Variants in DST observed in about 807,000 individuals in gnomAD.
DST encodes dystonin.
Under a neutral mutation model 875.2 loss-of-function variants are expected in DST, and 253 were observed. The observed-to-expected ratio is 0.29, with a 90% CI of 0.26 to 0.32. The LOEUF is 0.32. DST is among the 10% of genes least tolerant of loss of function. DST has a pLI of 1.00. For missense variants in DST, 8,287 were observed against 9,111.6 expected (o/e 0.91, Z 3.68); for synonymous variants, 3,124 against 3,197.1 (o/e 0.98, Z 0.77).
chr6:56,754,754 C>T (rs1040570177), intron 4 of DST, among the ~76,000 whole-genome samples: 3 of 152,118 alleles, frequency 2.0e-5, no homozygotes, highest in South Asian at 2.1e-4. Context: ...TAAATGACTT[C>T]ATGGTTCCAA....
At chr6:56,625,349 AAC>A (rs1279712222) in intron 34 of DST, 85 bp from the exon 35 acceptor site, 89 of 861,932 alleles carry the variant, frequency 1.0e-4, no homozygotes, top group Non-Finnish European at 8.3e-5. Context: ...AGATAATTAG[AAC>A]CTAGATTCAC....
rs115890942 is a variant in DST at position 56,624,631 on chromosome 6, G to T, written c.4831-3C>A. The stretch of plus-strand genomic sequence containing the variant: ...TATCGAGTCCTTAGGTCCATGAACT[G>T]CAAGTAAGGAAAAAAATAATAAAAG... On this transcript the variant is annotated splice_polypyrimidine_tract_variant and splice_region_variant and intron_variant, in intron 35 of 103. Coordinates refer to ENST00000680361, the MANE Select transcript of DST (RefSeq NM_001374736.1). 2,749 of 1,585,620 alleles carry T rather than the reference G, an allele frequency of 1.7e-3. 40 individuals carry two copies. The African/African-American group carries it at 0.033, about 19-fold the overall frequency.
chr6:56,513,888 G>A (rs2096535873), intron 72 of DST, among the ~76,000 whole-genome samples: 1 of 152,214 alleles, frequency 6.6e-6, no homozygotes, highest in African/African-American at 2.4e-5. Context: ...CATGGCCCTT[G>A]GAGCCATTTT....
Position 56,636,585 on chromosome 6 carries a change from T to C in DST, c.3032A>G (p.His1011Arg). The C allele has an allele frequency of 6.2e-7, 1 of 1,613,510 alleles. No homozygotes were observed. Among genetic ancestry groups the C allele is most frequent in the Non-Finnish European group, 8.5e-7 (1 of 1,179,922 alleles). Reference protein sequence around the residue: ...ILQLCQCVEQHIKENTAYFEF... With the variant: ...ILQLCQCVEQRIKENTAYFEF... ...GAAATACGCTGTGTTCTCCTTTATGTGCTGCTCCACACACTGGCAGAGCTG... is the reference window on the plus strand; with the variant it reads ...GAAATACGCTGTGTTCTCCTTTATGCGCTGCTCCACACACTGGCAGAGCTG... The change falls in exon 23 of 104, where the codon CAC becomes CGC. Residue 1011 changes from histidine to arginine, a missense_variant. Physicochemically the swap from His to Arg is conservative, Grantham distance 29. Transcript: ENST00000680361.
chr6:56,716,777 A>C (rs2099396047), intron 5 of DST, among the ~76,000 whole-genome samples: 1 of 152,206 alleles, frequency 6.6e-6, no homozygotes, highest in South Asian at 2.1e-4. Flanking sequence ...TTTTGGCACC[A>C]GGGACTGGTT....
At chr6:56,914,634 T>G (rs535670088) in intron 2 of DST, among the ~76,000 whole-genome samples, 133 of 152,296 alleles carry the variant, frequency 8.7e-4, no homozygotes, top group African/African-American at 3.2e-3. Flanking sequence ...AGAGTCTCCA[T>G]CTCAAAGTCT....
At chr6:56,863,656 G>A (rs1003152970) in intron 3 of DST, among the ~76,000 whole-genome samples, 5 of 151,966 alleles carry the variant, frequency 3.3e-5, no homozygotes, top group African/African-American at 9.7e-5. Flanking sequence ...TCTCAACCGG[G>A]GATTTCCAAG....
chr6:56,470,392 T>C lies in DST; in HGVS notation c.22322-110A>G, dbSNP rs1582260884. 3 of 816,344 alleles carry C rather than the reference T, an allele frequency of 3.7e-6. No homozygotes were observed. The African/African-American group carries it at 5.2e-5, about 14-fold the overall frequency. The allele number at this position is 816,344 out of a possible 1,614,324, so 50.6% of individuals were successfully genotyped here. ...GCTGGTTAAATCATCAGTGATCAAA[T>C]ATATTAAAATCCTTTTTTAAAAAAC... On this transcript the variant is annotated intron_variant, in intron 95 of 103. Transcript: ENST00000680361.
chr6:56,770,490 CAG>C lies in DST; in HGVS notation c.626-35203_626-35202del, dbSNP rs1384574232. Reference sequence around the variant, plus strand: ...CAAACCCTGCTAATACAATAAAACGCAGAGTGTGGGATGCCCTATTTCATTCC... The same window carrying C: ...CAAACCCTGCTAATACAATAAAACGCAGTGTGGGATGCCCTATTTCATTCC... On this transcript the variant is annotated intron_variant, in intron 4 of 103. Coordinates refer to ENST00000680361, the MANE Select transcript of DST (RefSeq NM_001374736.1). 2.0e-5 allele frequency among the ~76,000 whole-genome samples: 3 copies of C among 152,140 alleles called. No individual in the cohort carries two copies. The East Asian group carries it at 5.8e-4, about 29-fold the overall frequency.
intron 4 of DST, among the ~76,000 whole-genome samples, chr6:56,836,588 C>A (rs2099793769): frequency 6.6e-6 from 1 of 152,044 alleles, no homozygotes; most frequent in South Asian, 2.1e-4. Flanking sequence ...CGGTGGCTCA[C>A]GCTTGTAATC....
intron 4 of DST, among the ~76,000 whole-genome samples, chr6:56,766,504 T>C (rs2099633669): frequency 6.6e-6 from 1 of 152,040 alleles, no homozygotes; most frequent in South Asian, 2.1e-4. Context: ...ATAAGGCCTT[T>C]CTCTGCAATT....
intron 4 of DST, among the ~76,000 whole-genome samples, chr6:56,790,451 A>G (rs2099718079): frequency 1.3e-5 from 2 of 152,216 alleles, no homozygotes; most frequent in South Asian, 4.1e-4. Context: ...ATTAATTCTC[A>G]GTCACTAACA....
intron 36 of DST, 86 bp from the exon 37 acceptor site, chr6:56,614,570 T>C (rs2152726088): frequency 1.3e-5 from 17 of 1,355,584 alleles, no homozygotes; most frequent in Non-Finnish European, 1.6e-5. Context: ...AACAAGAATG[T>C]AAAAATTTTT....
intron 4 of DST, among the ~76,000 whole-genome samples, chr6:56,850,409 CAAA>C (rs70989736): frequency 4.4e-4 from 34 of 77,284 alleles, no homozygotes; most frequent in Admixed American, 2.3e-3. Flanking sequence ...GTATAGGAGG[CAAA>C]AAAAAAAAAA....
rs935543053 is a variant in DST at position 56,821,303 on chromosome 6, G to A, written c.625+30094C>T. Among the ~76,000 whole-genome samples, 5 of 152,192 alleles carry A rather than the reference G, an allele frequency of 3.3e-5. No individual in the cohort carries two copies. The South Asian group carries it at 1.0e-3, about 31-fold the overall frequency. On this transcript the variant is annotated intron_variant, in intron 4 of 103. Coordinates refer to ENST00000680361, the MANE Select transcript of DST (RefSeq NM_001374736.1). ...TAATGTGTTCAAAGGGATCAGCTAA[G>A]TACTTCGATTCATGTCAAATTCGTG... is the stretch of plus-strand genomic sequence containing the variant.
intron 3 of DST, among the ~76,000 whole-genome samples, chr6:56,856,967 A>G (rs1445391827): frequency 2.6e-5 from 4 of 152,124 alleles, no homozygotes; most frequent in Non-Finnish European, 5.9e-5. Context: ...ACTTTTCTAT[A>G]AATCTGAATA....
intron 4 of DST, among the ~76,000 whole-genome samples, chr6:56,735,672 G>A (rs1208937326): frequency 6.6e-6 from 1 of 152,084 alleles, no homozygotes; most frequent in African/African-American, 2.4e-5. Context: ...AAGAGGAAGG[G>A]TTACTCCCAT....
chr6:56,610,256 T>C (rs1333923828), intron 39 of DST, among the ~76,000 whole-genome samples, 171 bp downstream of exon 39: 2 of 152,204 alleles, frequency 1.3e-5, no homozygotes, highest in Admixed American at 6.5e-5. Flanking sequence ...ATGTGTAAGA[T>C]TGCATTTAAT....
Position 56,460,169 on chromosome 6 carries a change from A to G in DST, c.23156T>C (p.Ile7719Thr). ...TCGGACTCTGGCAGCTGCAGTTGTT[A>G]TCAAGCCACTGTCCTCCCCAGAGTG... ...GFHSGEDSGL[I>T]TTAAARVRTQ... is the part of the protein sequence containing the mutation. Residue 7719 changes from isoleucine (I) to threonine (T), a missense_variant, in exon 103 of 104, where the codon ATA becomes ACA. Ile to Thr is a moderately conservative substitution (Grantham distance 89). Transcript: ENST00000680361. The G allele has an allele frequency of 1.9e-6, 3 of 1,613,908 alleles. No homozygotes were observed. Among genetic ancestry groups the G allele is most frequent in the Non-Finnish European group, 2.5e-6 (3 of 1,179,814 alleles).
Sources: gnomAD v4.1 joint callset for allele counts (sites outside exome capture counted in the v4.1 genomes callset) on GRCh38, gnomAD v4.1.1 for gene constraint, MANE v1.5 for transcripts, NCBI Gene and HGNC (gene_info 2026-07-23, HGNC 2026-07-21) for gene names.